The following DHX30 variants were observed in gnomAD, a reference collection of about 807,000 sequenced individuals.
DHX30 encodes the protein DExH-box helicase 30.
Under a neutral mutation model 116.9 loss-of-function variants are expected in DHX30, and 4 were observed. That is an observed-to-expected ratio of 0.03 (90% CI 0.02 to 0.08). DHX30 has a LOEUF of 0.08. DHX30 is among the 10% of genes least tolerant of loss of function. The pLI is 1.00. For missense variants in DHX30, 871 were observed against 1,595.1 expected (o/e 0.55, Z 7.73); for synonymous variants, 697 against 651.7 (o/e 1.07, Z -1.06).
intron 5 of DHX30, 86 bp from the exon 6 acceptor site, chr3:47,828,938 G>A (rs1014942566): frequency 2.6e-5 from 20 of 777,000 alleles, no homozygotes; most frequent in Non-Finnish European, 4.2e-5. Context: ...CTGCTGTGAG[G>A]TCCACCACTG....
chr3:47,818,762 T>A, intron 4 of DHX30, among the ~76,000 whole-genome samples: 1 of 152,138 alleles, frequency 6.6e-6, no homozygotes, highest in East Asian at 1.9e-4. Context: ...GAGCGCCTCC[T>A]CTTCTCCCTC....
At chr3:47,822,699 C>T (rs1032293435) in intron 4 of DHX30, among the ~76,000 whole-genome samples, 9 of 151,888 alleles carry the variant, frequency 5.9e-5, no homozygotes, top group Non-Finnish European at 8.8e-5. Flanking sequence ...ACAGGAGAAT[C>T]GCTTGAACCC....
intron 4 of DHX30, among the ~76,000 whole-genome samples, chr3:47,824,027 G>A (rs1274463672): frequency 2.9e-5 from 4 of 139,574 alleles, no homozygotes; most frequent in African/African-American, 1.1e-4. Context: ...TTTTGAGATG[G>A]AGCCTTGCTC....
chr3:47,844,555 G>A (rs1296184346), intron 9 of DHX30, among the ~76,000 whole-genome samples: 1 of 152,248 alleles, frequency 6.6e-6, no homozygotes, highest in Admixed American at 6.5e-5. Flanking sequence ...CCTGTGGTAT[G>A]AGGACCAGAT....
Position 47,848,982 on chromosome 3 carries a change from C to T in DHX30, c.2832C>T (p.Ala944=), listed in dbSNP as rs572623106. The change falls in exon 18 of 22, where the codon GCC becomes GCT. Residue 944 remains alanine, a synonymous_variant. Transcript: ENST00000445061. This position sits in a 1 kb window ranked among gnomAD's most constrained non-coding sequence, Gnocchi z 9.4. ...ACCTGGCCTTTGTGCGGGCTGTCGC[C>T]GGCTGGGAGGAGGTGCTGCGTTGGC... The part of the protein sequence containing the change: ...SDHLAFVRAV[A]GWEEVLRWQD... 51 of 1,613,480 alleles carry T rather than the reference C, an allele frequency of 3.2e-5. No individual in the cohort carries two copies. The highest frequency in any genetic ancestry group is 2.5e-4 in the Admixed American group (15 of 59,954).
intron 1 of DHX30, 25 bp downstream of exon 1, chr3:47,803,237 C>T (rs1014826556): frequency 5.1e-6 from 2 of 392,866 alleles, no homozygotes. Context: ...TTATTCTCCC[C>T]TTTCGTGCCC....
chr3:47,827,865 T>A (rs1358677260), intron 5 of DHX30, among the ~76,000 whole-genome samples: 1 of 152,054 alleles, frequency 6.6e-6, no homozygotes, highest in South Asian at 2.1e-4. Context: ...ATTTTATTTA[T>A]TTTTGTAGAG....
intron 6 of DHX30, among the ~76,000 whole-genome samples, chr3:47,832,872 C>T (rs375023106): frequency 6.6e-6 from 1 of 151,590 alleles, no homozygotes; most frequent in African/African-American, 2.4e-5. Context: ...CTCCTAAGCT[C>T]AAGCAGTCTG....
intron 4 of DHX30, chr3:47,826,277 T>A (rs1257537674): frequency 1.3e-5 from 2 of 152,110 alleles, no homozygotes; most frequent in African/African-American, 2.4e-5. Flanking sequence ...TGGTACAAGC[T>A]TACCCTAGGT....
At chr3:47,822,869 G>A (rs188691422) in intron 4 of DHX30, among the ~76,000 whole-genome samples, 18 of 152,122 alleles carry the variant, frequency 1.2e-4, no homozygotes, top group Admixed American at 1.2e-3. Flanking sequence ...CAAGGAAGGC[G>A]AATCATGAGG....
Position 47,814,458 on chromosome 3 carries a change from AT to A in DHX30, c.29-3555del, listed in dbSNP as rs34014986. On this transcript the variant is annotated intron_variant, in intron 3 of 21. Transcript: ENST00000445061. ...AAAAAAAAAAAAAAAAGAAAAAAAAATTTTTTTTTCCTGTCTGAGCGCCGTG... is the reference window on the plus strand; with the variant it reads ...AAAAAAAAAAAAAAAAGAAAAAAAAATTTTTTTTCCTGTCTGAGCGCCGTG... Among the ~76,000 whole-genome samples the A allele has an allele frequency of 9.3e-4, 138 of 147,982 alleles. 5 individuals carry two copies. In the East Asian group the frequency reaches 0.026, roughly 28 times the overall value.
intron 6 of DHX30, among the ~76,000 whole-genome samples, chr3:47,832,203 C>T (rs1025847246): frequency 2.0e-5 from 3 of 151,764 alleles, no homozygotes; most frequent in Admixed American, 2.0e-4. Flanking sequence ...GCGCTGACTG[C>T]CTGGCCTCTG....
In DHX30 at chr3:47,818,112, C is replaced by T. The variant is rs765434323; in HGVS notation, c.119C>T (p.Ser40Phe). The T allele has an allele frequency of 2.6e-6, 2 of 780,718 alleles. No individual in the cohort carries two copies. Among genetic ancestry groups the T allele is most frequent in the Non-Finnish European group, 4.8e-6 (2 of 417,984 alleles). 48.4% of individuals were successfully genotyped at this position (780,718 alleles called of 1,614,324 possible). A position where few individuals can be genotyped will look rare whatever the true frequency, so the allele number is the denominator to read the frequency against. Residue 40 changes from serine to phenylalanine, a missense_variant, in exon 4 of 22, where the codon TCT (serine) becomes TTT (phenylalanine). Around this residue, in one of 13 missense-constraint regions of DHX30, gnomAD observed 66 missense variants for 153.9 expected, o/e 0.43. Transcript: ENST00000445061. ...AACCCTACCCCAGGAGGGACCATCTCTCGAGGTAAGGGAGGAGCCTTGCCT... is the reference window on the plus strand; with the variant it reads ...AACCCTACCCCAGGAGGGACCATCTTTCGAGGTAAGGGAGGAGCCTTGCCT... ...CVNPTPGGTI[S>F]RASRDLLKEF... is the part of the protein sequence containing the mutation.
At chr3:47,844,928 G>A (rs564839241) in intron 9 of DHX30, among the ~76,000 whole-genome samples, 4 of 152,274 alleles carry the variant, frequency 2.6e-5, no homozygotes, top group African/African-American at 9.6e-5. Flanking sequence ...GTAGGGATTG[G>A]GAGGCGGGAT....
chr3:47,845,616 T>G, intron 9 of DHX30, 84 bp from the exon 10 acceptor site: 1 of 1,382,982 alleles, frequency 7.2e-7, no homozygotes. Context: ...TGGCACAACT[T>G]ATGCGTTGGA....
chr3:47,844,672 C>T (rs1406841757), intron 9 of DHX30, among the ~76,000 whole-genome samples: 2 of 152,294 alleles, frequency 1.3e-5, no homozygotes, highest in African/African-American at 2.4e-5. Context: ...TTGATCTGGG[C>T]TCCGAAGGGT....
chr3:47,824,457 G>T (rs2036445168), intron 4 of DHX30, among the ~76,000 whole-genome samples: 1 of 151,880 alleles, frequency 6.6e-6, no homozygotes, highest in African/African-American at 2.4e-5. Flanking sequence ...TTTCTTTTTC[G>T]TTTTTTAAAC....
intron 5 of DHX30, among the ~76,000 whole-genome samples, chr3:47,827,722 C>T (rs903766432): frequency 6.6e-6 from 1 of 152,162 alleles, no homozygotes. Context: ...TATACGGATC[C>T]TTGGTTTTTG....
At chr3:47,804,315 G>A (rs2035425519) in intron 1 of DHX30, among the ~76,000 whole-genome samples, 1 of 152,194 alleles carries the variant, frequency 6.6e-6, no homozygotes, top group Non-Finnish European at 1.5e-5. Flanking sequence ...AGCACTTTGG[G>A]AGGCCGAGGC....
Sources: gnomAD v4.1 joint callset for allele counts (sites outside exome capture counted in the v4.1 genomes callset) on GRCh38, gnomAD v4.1.1 for gene constraint, gnomAD v4.1.1 regional missense constraint, Gnocchi (gnomAD v3.1) non-coding constraint, MANE v1.5 for transcripts, NCBI Gene and HGNC (gene_info 2026-07-23, HGNC 2026-07-21) for gene names.